Variants in UACA observed in about 807,000 individuals in gnomAD.
UACA encodes the protein nuclear membrane binding protein.
UACA carries 112 observed loss-of-function variants against 160.5 expected under a neutral mutation model. The observed-to-expected ratio is 0.70, with a 90% CI of 0.60 to 0.82. The LOEUF (loss-of-function observed/expected upper bound fraction) is 0.82. Among genes scored for constraint, UACA ranks in the 40% least tolerant of loss-of-function variants. UACA has a pLI of 0.00. For synonymous variants in UACA, 557 were observed against 568.4 expected, an observed-to-expected ratio of 0.98 and a Z score of 0.29; for missense variants, 1,574 against 1,614.6, an observed-to-expected ratio of 0.97 and a Z score of 0.43.
In UACA at chr15:70,671,065, C is replaced by A; in HGVS notation, c.1195G>T (p.Gly399Cys). 1 of 1,590,514 alleles carries A rather than the reference C, an allele frequency of 6.3e-7. No individual in the cohort carries two copies. The highest frequency in any genetic ancestry group is 8.6e-7 in the Non-Finnish European group (1 of 1,168,220). Residue 399 changes from glycine (G) to cysteine (C), a missense_variant, in exon 15 of 19, where the codon GGT becomes TGT. By Grantham distance (159) the Gly-to-Cys change is radical. Coordinates refer to ENST00000322954, the MANE Select transcript of UACA (RefSeq NM_018003.4). ...TGTGAGTCTGCCATATACATCTGAC[C>A]TTGTTTAAGAAGCATATCTTCTTTT... ...NRKEDMLLKQ[G>C]QMYMADSQCT...
intron 1 of UACA, among the ~76,000 whole-genome samples, chr15:70,705,144 C>T (rs909502443): frequency 2.6e-5 from 4 of 152,170 alleles, no homozygotes; most frequent in Non-Finnish European, 4.4e-5. Flanking sequence ...GGTTCATCCA[C>T]AAGGACTCAA....
At chr15:70,675,873 T>C (rs1897289969) in intron 13 of UACA, among the ~76,000 whole-genome samples, 1 of 152,176 alleles carries the variant, frequency 6.6e-6, no homozygotes. Flanking sequence ...CCTTTCGCCT[T>C]CTGCCAGGTG....
At chr15:70,676,413 T>C in intron 13 of UACA, 80 bp downstream of exon 13, 1 of 1,050,634 alleles carries the variant, frequency 9.5e-7, no homozygotes. Flanking sequence ...AAGAGATTTA[T>C]AATTCAAATT....
chr15:70,752,546 C>G (rs2030151074), intron 1 of UACA, among the ~76,000 whole-genome samples: 2 of 149,940 alleles, frequency 1.3e-5, no homozygotes, highest in South Asian at 4.3e-4. Flanking sequence ...CACCACTTAT[C>G]TCTCTCTCTC....
At chr15:70,687,872 CAT>C in intron 5 of UACA, 52 bp from the exon 6 acceptor site, 8 of 1,567,988 alleles carry the variant, frequency 5.1e-6, no homozygotes, top group Non-Finnish European at 7.0e-6. Flanking sequence ...TGGTAAGACA[CAT>C]AGTGTTTTTC....
At chr15:70,700,337 A>G in intron 1 of UACA, among the ~76,000 whole-genome samples, 1 of 150,502 alleles carries the variant, frequency 6.6e-6, no homozygotes, top group East Asian at 1.9e-4. Context: ...ACACACACAC[A>G]CACATTCTAT....
In UACA at chr15:70,668,002, A is replaced by G. The variant is rs1896991639; in HGVS notation, c.2682T>C (p.Asn894=). The change falls in exon 16 of 19, where the codon AAT becomes AAC. Residue 894 remains asparagine (N), a synonymous_variant. Transcript: ENST00000322954. The part of the protein sequence containing the change: ...LDVKKKFEDI[N]QEFVKIKDKN... ...TATCTTTTATTTTTACAAATTCCTG[A>G]TTTATATCTTCAAATTTTTTCTTCA... The G allele has an allele frequency of 6.2e-7, 1 of 1,601,290 alleles. No homozygotes were observed. Among genetic ancestry groups the G allele is most frequent in the Non-Finnish European group, 8.5e-7 (1 of 1,174,702 alleles).
At chr15:70,712,034 C>CTCCT (rs1898694943) in intron 1 of UACA, among the ~76,000 whole-genome samples, 1 of 134,818 alleles carries the variant, frequency 7.4e-6, no homozygotes, top group Non-Finnish European at 1.6e-5. Flanking sequence ...GCAACCCAGG[C>CTCCT]TCCTCTAAGC....
chr15:70,775,087 CT>C, the UACA span, among the ~76,000 whole-genome samples: 2 of 151,970 alleles, frequency 1.3e-5, no homozygotes, highest in African/African-American at 4.8e-5. Flanking sequence ...AATTAAAATA[CT>C]TCAGACAGAA....
At chr15:70,737,129 C>T (rs1431940534) in intron 1 of UACA, among the ~76,000 whole-genome samples, 1 of 152,116 alleles carries the variant, frequency 6.6e-6, no homozygotes, top group Non-Finnish European at 1.5e-5. Flanking sequence ...CATTACTGTT[C>T]TGAGCTGATA....
rs1595859319 is a variant in UACA, at chr15:70,654,875, C to T, written c.*2181G>A. On this transcript the variant is annotated 3_prime_UTR_variant, in exon 19 of 19. Transcript: ENST00000322954. ...TTCCGCTTGTTTACTAATTAAAAAG[C>T]TTTGGTCTTCAGTGTTGTAAACGCA... 6.6e-6 allele frequency: 1 copy of T among 152,202 alleles called. No individual in the cohort carries two copies. The highest frequency in any genetic ancestry group is 1.9e-4 in the East Asian group (1 of 5,196). 9.4% of individuals were successfully genotyped at this position (152,202 alleles called of 1,614,324 possible).
At chr15:70,746,560 T>G (rs1348541146) in intron 1 of UACA, among the ~76,000 whole-genome samples, 1 of 152,196 alleles carries the variant, frequency 6.6e-6, no homozygotes, top group Admixed American at 6.5e-5. Context: ...TCAACCATTG[T>G]GGAAGACAGT....
At chr15:70,710,250 G>T (rs1271123404) in intron 1 of UACA, among the ~76,000 whole-genome samples, 1 of 152,032 alleles carries the variant, frequency 6.6e-6, no homozygotes, top group Non-Finnish European at 1.5e-5. Flanking sequence ...GCAAGACCCT[G>T]TCTCCAAAAA....
intron 1 of UACA, among the ~76,000 whole-genome samples, chr15:70,737,152 T>C (rs1188408440): frequency 3.3e-5 from 5 of 152,206 alleles, no homozygotes; most frequent in Admixed American, 2.0e-4. Context: ...TTAATTTGAA[T>C]AGGTGGCCAT....
At chr15:70,749,327 C>T in intron 1 of UACA, 1 of 284,720 alleles carries the variant, frequency 3.5e-6, no homozygotes, top group Non-Finnish European at 7.0e-6. Context: ...GAGATCAAGA[C>T]CATCCTGGCT....
intron 17 of UACA, among the ~76,000 whole-genome samples, chr15:70,662,181 A>G (rs1896732065): frequency 6.6e-6 from 1 of 152,230 alleles, no homozygotes; most frequent in African/African-American, 2.4e-5. Context: ...TACAAAATCA[A>G]TGTGCAAAAA....
rs553688850 is a variant in UACA, at chr15:70,717,051, G to A, written c.79-17391C>T. Among the ~76,000 whole-genome samples the A allele has an allele frequency of 5.9e-5, 9 of 152,170 alleles. No homozygotes were observed. The South Asian group carries it at 8.3e-4, about 14-fold the overall frequency. On this transcript the variant is annotated intron_variant, in intron 1 of 18. Coordinates refer to ENST00000322954, the MANE Select transcript of UACA (RefSeq NM_018003.4). Reference sequence around the variant, plus strand: ...AGTCTAACCAATATGGAGAAATCCCGTCTCTATCAAAAATACAAAATTAGC... The same window carrying A: ...AGTCTAACCAATATGGAGAAATCCCATCTCTATCAAAAATACAAAATTAGC...
chr15:70,671,399 A>G (rs979276339), intron 14 of UACA: 2 of 200,154 alleles, frequency 1.0e-5, no homozygotes, highest in African/African-American at 4.6e-5. Context: ...ACATGATAAT[A>G]AAACATATAT....
chr15:70,728,500 T>C (rs962276610), intron 1 of UACA, among the ~76,000 whole-genome samples: 2 of 148,892 alleles, frequency 1.3e-5, no homozygotes, highest in Non-Finnish European at 3.0e-5. Flanking sequence ...GAGGCGGAGG[T>C]TGCGGTGAGC....
Sources: gnomAD v4.1 joint callset for allele counts (sites outside exome capture counted in the v4.1 genomes callset) on GRCh38, gnomAD v4.1.1 for gene constraint, MANE v1.5 for transcripts, NCBI Gene and HGNC (gene_info 2026-07-23, HGNC 2026-07-21) for gene names.